Variants in CTXND1 observed in about 807,000 individuals in gnomAD.
CTXND1 encodes the protein cortexin domain containing 1, also known as cortexin domain-containing 1 protein.
At chr15:80,240,043 G>A (rs1487868845) in intron 1 of CTXND1, among the ~76,000 whole-genome samples, 4 of 152,086 alleles carry the variant, frequency 2.6e-5, no homozygotes, top group Non-Finnish European at 4.4e-5. Flanking sequence ...TCAGCCCACC[G>A]CAACCTCCGT....
intron 1 of CTXND1, among the ~76,000 whole-genome samples, chr15:80,237,644 GAA>G (rs1321856935): frequency 3.9e-5 from 6 of 152,256 alleles, no homozygotes; most frequent in East Asian, 1.9e-4. Context: ...CTATAAGAAA[GAA>G]AATATTTTTG....
At chr15:80,233,391 T>C (rs1893454460) in intron 1 of CTXND1, among the ~76,000 whole-genome samples, 1 of 152,220 alleles carries the variant, frequency 6.6e-6, no homozygotes, top group Non-Finnish European at 1.5e-5. Context: ...TTTACTCAAT[T>C]AAAATATTAG....
At position 80,205,679 on chromosome 15, in the gene CTXND1, T is replaced by C. The variant is rs182430026; in HGVS notation, c.-217-1939A>G. Reference sequence around the variant, plus strand: ...TCCAGACAACGAGACACCAGACCCCTCGTTCATCTTTCTTACTGTTCCTTA... The same window carrying C: ...TCCAGACAACGAGACACCAGACCCCCCGTTCATCTTTCTTACTGTTCCTTA... On this transcript the variant is annotated intron_variant, in intron 1 of 2. Coordinates refer to ENST00000560778, the MANE Select transcript of CTXND1 (RefSeq NM_001352888.2). Among the ~76,000 whole-genome samples the C allele has an allele frequency of 3.9e-3, 587 of 152,258 alleles. 3 individuals are homozygous for C. The highest frequency in any genetic ancestry group is 6.8e-3 in the Middle Eastern group (2 of 294).
At chr15:80,248,031 G>A (rs1006386717) in intron 1 of CTXND1, among the ~76,000 whole-genome samples, 1 of 152,190 alleles carries the variant, frequency 6.6e-6, no homozygotes, top group African/African-American at 2.4e-5. Flanking sequence ...CAAGAGGAGG[G>A]TCATCTTGGG....
At chr15:80,235,773 G>C (rs1468809567) in intron 1 of CTXND1, among the ~76,000 whole-genome samples, 2 of 151,618 alleles carry the variant, frequency 1.3e-5, no homozygotes, top group Non-Finnish European at 2.9e-5. Flanking sequence ...TCCTCAACAG[G>C]CTTCAATGTG....
At chr15:80,213,429 G>A (rs1300225769) in intron 1 of CTXND1, among the ~76,000 whole-genome samples, 1 of 152,056 alleles carries the variant, frequency 6.6e-6, no homozygotes, top group Admixed American at 6.5e-5. Flanking sequence ...ATTAAGTTAA[G>A]GGTGTTGGGA....
At chr15:80,242,452 T>G (rs1470840748) in intron 1 of CTXND1, among the ~76,000 whole-genome samples, 1 of 152,228 alleles carries the variant, frequency 6.6e-6, no homozygotes, top group African/African-American at 2.4e-5. Context: ...GGCTCTGAAT[T>G]ATCTGTTTTC....
chr15:80,214,743 G>C (rs1893234486), intron 1 of CTXND1, among the ~76,000 whole-genome samples: 1 of 152,162 alleles, frequency 6.6e-6, no homozygotes, highest in Non-Finnish European at 1.5e-5. Context: ...ACAGCATGAA[G>C]AAAATCCAGA....
intron 1 of CTXND1, among the ~76,000 whole-genome samples, chr15:80,226,804 C>T (rs932824754): frequency 1.3e-5 from 2 of 152,206 alleles, no homozygotes; most frequent in Non-Finnish European, 2.9e-5. Flanking sequence ...TTCCTATACC[C>T]GTCTGCTGCA....
chr15:80,216,956 G>C (rs570626456), intron 1 of CTXND1, among the ~76,000 whole-genome samples: 3 of 152,066 alleles, frequency 2.0e-5, no homozygotes, highest in South Asian at 4.1e-4. Flanking sequence ...GGCTCAGATA[G>C]GGCAAATGAT....
At chr15:80,232,253 A>C (rs187158667) in intron 1 of CTXND1, among the ~76,000 whole-genome samples, 13 of 152,210 alleles carry the variant, frequency 8.5e-5, no homozygotes, top group Admixed American at 6.6e-4. Flanking sequence ...TGGCTTCTGC[A>C]TACCTCCCTG....
intron 1 of CTXND1, among the ~76,000 whole-genome samples, chr15:80,214,468 CCA>C (rs2142126654): frequency 6.6e-6 from 1 of 152,036 alleles, no homozygotes; most frequent in South Asian, 2.1e-4. Context: ...GCATTTTTGA[CCA>C]CAAAGTAGTA....
Position 80,218,616 on chromosome 15 carries a change from T to G in CTXND1, c.-217-14876A>C, listed in dbSNP as rs150240487. 3.4e-3 allele frequency among the ~76,000 whole-genome samples: 517 copies of G among 152,078 alleles called. 5 individuals carry two copies. The highest frequency in any genetic ancestry group is 0.012 in the African/African-American group (497 of 41,552). ...TTATTTATTTTACCTTTCTTCTCAATATTATATATATATATTTTCCGTTGA... is the reference window on the plus strand; with the variant it reads ...TTATTTATTTTACCTTTCTTCTCAAGATTATATATATATATTTTCCGTTGA... On this transcript the variant is annotated intron_variant, in intron 1 of 2. Coordinates refer to ENST00000560778, the MANE Select transcript of CTXND1 (RefSeq NM_001352888.2).
intron 1 of CTXND1, among the ~76,000 whole-genome samples, chr15:80,248,618 A>G (rs1189074507): frequency 2.6e-5 from 4 of 152,224 alleles, no homozygotes; most frequent in Non-Finnish European, 4.4e-5. Context: ...GCTCTAGGCA[A>G]GAGAGGGAGG....
At chr15:80,223,569 T>C (rs986917969) in intron 1 of CTXND1, among the ~76,000 whole-genome samples, 4 of 152,188 alleles carry the variant, frequency 2.6e-5, no homozygotes, top group African/African-American at 9.7e-5. Flanking sequence ...CCATTTCTAT[T>C]AGTTGTATAT....
intron 1 of CTXND1, among the ~76,000 whole-genome samples, chr15:80,204,173 T>A (rs60142536): frequency 0.28 from 8,957 of 31,904 alleles, 986 homozygotes; most frequent in East Asian, 0.35. Context: ...AAAAAAAATA[T>A]ATATATATAT....
intron 1 of CTXND1, among the ~76,000 whole-genome samples, chr15:80,238,305 C>A (rs560682406): frequency 6.6e-6 from 1 of 152,138 alleles, no homozygotes; most frequent in African/African-American, 2.4e-5. Flanking sequence ...TGTACCTTTT[C>A]TATGTTTAGA....
rs1485656131 is a variant in CTXND1 at position 80,241,017 on chromosome 15, G to A, written c.-218+10990C>T. Among the ~76,000 whole-genome samples the A allele has an allele frequency of 3.9e-5, 6 of 152,280 alleles. No individual in the cohort carries two copies. In the East Asian group the frequency reaches 9.7e-4, roughly 25 times the overall value. Reference sequence around the variant, plus strand: ...AAAGTGTGGAAATGCTGCTGCTCACGGAATCCTTAAACTGGCATGTGATAC... The same window carrying A: ...AAAGTGTGGAAATGCTGCTGCTCACAGAATCCTTAAACTGGCATGTGATAC... On this transcript the variant is annotated intron_variant, in intron 1 of 2. Transcript: ENST00000560778.
At chr15:80,247,242 C>G (rs1046559619) in intron 1 of CTXND1, among the ~76,000 whole-genome samples, 1 of 152,120 alleles carries the variant, frequency 6.6e-6, no homozygotes, top group East Asian at 1.9e-4. Flanking sequence ...CTAGATCTCT[C>G]CCTTCCCCAT....
Sources: allele counts gnomAD v4.1 joint callset (sites outside exome capture counted in the v4.1 genomes callset), GRCh38; gene constraint gnomAD v4.1.1; transcripts MANE v1.5; gene names NCBI Gene and HGNC (gene_info 2026-07-23, HGNC 2026-07-21).